Variants in MSI2 observed in about 807,000 individuals in gnomAD.
MSI2 encodes the protein musashi RNA binding protein 2.
Under a neutral mutation model 45.6 loss-of-function variants are expected in MSI2, and 17 were observed. That is an observed-to-expected ratio of 0.37 (90% CI 0.26 to 0.56). The LOEUF (loss-of-function observed/expected upper bound fraction) is 0.56, where lower values mean the gene tolerates loss of function less well. Among genes scored for constraint, MSI2 ranks in the 20% least tolerant of loss-of-function variants. The pLI, the probability that MSI2 is intolerant of heterozygous loss-of-function variation, is 0.77. For missense variants in MSI2, 293 were observed against 444.2 expected, an observed-to-expected ratio of 0.66 and a Z score of 3.06; for synonymous variants, 156 against 158.2, an observed-to-expected ratio of 0.99 and a Z score of 0.11.
At chr17:57,500,577 T>C (rs1166110419) in intron 6 of MSI2, among the ~76,000 whole-genome samples, 3 of 151,000 alleles carry the variant, frequency 2.0e-5, no homozygotes, top group African/African-American at 7.3e-5. Context: ...GCCATCCGGG[T>C]CTGTAGGGTG....
intron 7 of MSI2, among the ~76,000 whole-genome samples, chr17:57,549,832 G>T (rs373067159): frequency 1.3e-5 from 2 of 152,212 alleles, no homozygotes; most frequent in Admixed American, 1.3e-4. Flanking sequence ...TCAGTAGTTG[G>T]CAGAGATCTT....
rs576397565 is a variant in MSI2, at chr17:57,677,752, C to T, written c.*31+693C>T. Among the ~76,000 whole-genome samples the T allele has an allele frequency of 5.3e-5, 8 of 152,304 alleles. No homozygotes were observed. The East Asian group carries it at 1.5e-3, about 29-fold the overall frequency. On this transcript the variant is annotated intron_variant, in intron 13 of 13. Transcript: ENST00000284073. The stretch of plus-strand genomic sequence containing the variant: ...TTAAACTGAGCTCAAGTTAATTAAA[C>T]ATTTTTTCAATCACTTTGATGGGGA...
intron 6 of MSI2, among the ~76,000 whole-genome samples, chr17:57,481,122 C>A (rs1405623121): frequency 6.6e-6 from 1 of 152,174 alleles, no homozygotes; most frequent in Non-Finnish European, 1.5e-5. Context: ...GGCTGTTAAC[C>A]ATTGTGGGTG....
chr17:57,457,117 AAAAATAACTT>A (rs2085130841), intron 6 of MSI2, among the ~76,000 whole-genome samples: 1 of 152,244 alleles, frequency 6.6e-6, no homozygotes. Context: ...TCTCTAGGAC[AAAAATAACTT>A]TAAAAGAAGA....
At chr17:57,426,304 AT>A (rs1385366726) in intron 6 of MSI2, among the ~76,000 whole-genome samples, 2 of 152,232 alleles carry the variant, frequency 1.3e-5, no homozygotes, top group African/African-American at 2.4e-5. Context: ...CATCTAATAC[AT>A]TTGGCAATTA....
chr17:57,462,650 C>T (rs1432532423), intron 6 of MSI2, among the ~76,000 whole-genome samples: 2 of 152,222 alleles, frequency 1.3e-5, no homozygotes, highest in East Asian at 1.9e-4. Context: ...GCAGGACATT[C>T]TCCTGAATAA....
At chr17:57,402,358 G>A (rs1234203968) in intron 6 of MSI2, among the ~76,000 whole-genome samples, 1 of 152,168 alleles carries the variant, frequency 6.6e-6, no homozygotes, top group Admixed American at 6.5e-5. Context: ...TGTGGACATC[G>A]CGTGGGAGCC....
rs972409633 is a variant in MSI2 at position 57,355,304 on chromosome 17, C to T, written c.313-46075C>T. ...CCATGGAAATAGTACTGCTTTCTTTCAGCATCTGCATATCACTGTCAGGAA... is the reference window on the plus strand; with the variant it reads ...CCATGGAAATAGTACTGCTTTCTTTTAGCATCTGCATATCACTGTCAGGAA... On this transcript the variant is annotated intron_variant, in intron 5 of 13. Transcript: ENST00000284073. 5.9e-5 allele frequency among the ~76,000 whole-genome samples: 9 copies of T among 152,210 alleles called. No homozygotes were observed. The East Asian group carries it at 1.7e-3, about 29-fold the overall frequency.
intron 6 of MSI2, among the ~76,000 whole-genome samples, chr17:57,509,250 G>A (rs1286796878): frequency 6.6e-6 from 1 of 152,178 alleles, no homozygotes; most frequent in African/African-American, 2.4e-5. Flanking sequence ...GGAAATTTCA[G>A]CCGTCTAGAG....
chr17:57,594,553 G>A (rs1042721074), intron 7 of MSI2, among the ~76,000 whole-genome samples: 6 of 152,112 alleles, frequency 3.9e-5, no homozygotes, highest in Non-Finnish European at 7.3e-5. Context: ...GGGAAGTGTC[G>A]GTGTGGCTCT....
rs922125128 is a variant in MSI2, at chr17:57,627,549, C to T, written c.727+246C>T. 47 of 557,664 alleles carry T rather than the reference C, an allele frequency of 8.4e-5. No homozygotes were observed. The highest frequency in any genetic ancestry group is 1.7e-4 in the African/African-American group (9 of 52,694). The allele number at this position is 557,664 out of a possible 1,614,324, so 34.5% of individuals were successfully genotyped here. On this transcript the variant is annotated intron_variant, in intron 10 of 13. Transcript: ENST00000284073. The surrounding 1 kb of genome is among the most constrained non-coding windows in gnomAD (Gnocchi z 4.6). The stretch of plus-strand genomic sequence containing the variant: ...GGCAGCTTTTAAAGGGAAAGCAGAA[C>T]GGAGGCAGGAGGCCTCCCTGTGCTC...
chr17:57,650,144 T>G (rs1911022645), intron 10 of MSI2, among the ~76,000 whole-genome samples: 1 of 152,104 alleles, frequency 6.6e-6, no homozygotes, highest in South Asian at 2.1e-4. Context: ...CAAAATGCAC[T>G]CAATTCCAGA....
At position 57,256,765 on chromosome 17, in the gene MSI2, G is replaced by A; in HGVS notation, c.23G>A (p.Gly8Asp). The A allele has an allele frequency of 1.4e-6, 2 of 1,475,446 alleles. No homozygotes were observed. Among genetic ancestry groups the A allele is most frequent in the Non-Finnish European group, 1.8e-6 (2 of 1,114,940 alleles). The allele number at this position is 1,475,446 out of a possible 1,614,324, so 91.4% of individuals were successfully genotyped here. A position where few individuals can be genotyped will look rare whatever the true frequency, so the allele number is the denominator to read the frequency against. Residue 8 changes from glycine (G) to aspartate (D), a missense_variant, in exon 1 of 14, where the codon GGC (glycine) becomes GAC (aspartate). Coordinates refer to ENST00000284073, the MANE Select transcript of MSI2 (RefSeq NM_138962.4). MEANGSQ[G>D]TSGSANDSQH... ...GATATGGAGGCAAATGGGAGCCAAG[G>A]CACCTCGGGCAGCGCCAACGACTCC... is the stretch of plus-strand genomic sequence containing the variant.
intron 10 of MSI2, chr17:57,633,078 T>C: frequency 9.7e-7 from 1 of 1,035,762 alleles, no homozygotes; most frequent in South Asian, 4.6e-5. Context: ...CCATTGTGAA[T>C]TTTCTTCATC....
At chr17:57,691,372 T>G in the MSI2 span, among the ~76,000 whole-genome samples, 1 of 152,190 alleles carries the variant, frequency 6.6e-6, no homozygotes, top group Admixed American at 6.5e-5. Flanking sequence ...CCATATACAT[T>G]TTGGAATGAG....
chr17:57,586,876 T>C (rs1198740113), intron 7 of MSI2, among the ~76,000 whole-genome samples: 1 of 152,088 alleles, frequency 6.6e-6, no homozygotes, highest in Non-Finnish European at 1.5e-5. Context: ...AGTTTCCCAC[T>C]TCATGTAAGA....
intron 5 of MSI2, among the ~76,000 whole-genome samples, chr17:57,322,828 G>A (rs1375022092): frequency 3.9e-5 from 6 of 152,182 alleles, no homozygotes; most frequent in African/African-American, 1.4e-4. Context: ...AAGACAGAAA[G>A]CCCAGCTGTG....
At chr17:57,507,655 C>A (rs1245078186) in intron 6 of MSI2, among the ~76,000 whole-genome samples, 1 of 152,148 alleles carries the variant, frequency 6.6e-6, no homozygotes, top group East Asian at 1.9e-4. Flanking sequence ...TCCCCACCCC[C>A]CTGACCCCCG....
At chr17:57,484,828 A>G (rs1004047725) in intron 6 of MSI2, among the ~76,000 whole-genome samples, 3 of 151,220 alleles carry the variant, frequency 2.0e-5, no homozygotes, top group African/African-American at 7.3e-5. Flanking sequence ...CACCATTTCC[A>G]CCCCATCAGA....
Sources: gnomAD v4.1 joint callset for allele counts (sites outside exome capture counted in the v4.1 genomes callset) on GRCh38, gnomAD v4.1.1 for gene constraint, Gnocchi (gnomAD v3.1) non-coding constraint, MANE v1.5 for transcripts, NCBI Gene and HGNC (gene_info 2026-07-23, HGNC 2026-07-21) for gene names.